TBX15: variants seen among roughly 807,000 people sequenced by gnomAD.
The protein encoded by TBX15 is T-box transcription factor TBX15.
TBX15 carries 18 observed loss-of-function variants against 53.9 expected under a neutral mutation model. That is an observed-to-expected ratio of 0.33 (90% CI 0.23 to 0.49). The LOEUF (loss-of-function observed/expected upper bound fraction) is 0.49, where lower values mean the gene tolerates loss of function less well. Ranked by LOEUF, TBX15 falls within the 20% of genes least tolerant of loss-of-function variation. The pLI is 0.98. For synonymous variants in TBX15, 295 were observed against 278.0 expected, an observed-to-expected ratio of 1.06 and a Z score of -0.61; for missense variants, 692 against 749.5, an observed-to-expected ratio of 0.92 and a Z score of 0.90.
At chr1:118,959,563 C>CTCCA (rs1424090496) in intron 1 of TBX15, among the ~76,000 whole-genome samples, 1 of 152,196 alleles carries the variant, frequency 6.6e-6, no homozygotes, top group African/African-American at 2.4e-5. Flanking sequence ...CACTGCAGCA[C>CTCCA]CTGTTTCACT....
At chr1:118,921,662 A>G (rs1211071625) in intron 5 of TBX15, among the ~76,000 whole-genome samples, 1 of 152,200 alleles carries the variant, frequency 6.6e-6, no homozygotes, top group African/African-American at 2.4e-5. Context: ...GGAGCAGGAC[A>G]CTGCTTTTCC....
chr1:118,891,353 T>C lies in TBX15; in HGVS notation c.1025-5837A>G, dbSNP rs565063095. Among the ~76,000 whole-genome samples the C allele has an allele frequency of 5.9e-5, 9 of 152,342 alleles. No homozygotes were observed. In the East Asian group the frequency reaches 1.7e-3, roughly 29 times the overall value. ...CACATTCCTTAGGTGGACTGCAGCA[T>C]TTCTTCACTTTCCATTAACTTAATT... On this transcript the variant is annotated intron_variant, in intron 7 of 7. Coordinates refer to ENST00000369429, the MANE Select transcript of TBX15 (RefSeq NM_001330677.2).
At position 118,903,492 on chromosome 1, in the gene TBX15, G is replaced by A. The variant is rs1254656230; in HGVS notation, c.927-4367C>T. The stretch of plus-strand genomic sequence containing the variant: ...CATATTTCTGCTTTTCTTTTGTCTT[G>A]AGATAGGGAGTTGCTTTTTAATGTT... On this transcript the variant is annotated intron_variant, in intron 6 of 7. Transcript: ENST00000369429. Among the ~76,000 whole-genome samples the A allele has an allele frequency of 2.6e-5, 4 of 152,108 alleles. No homozygotes were observed. The East Asian group carries it at 7.7e-4, about 29-fold the overall frequency.
chr1:118,971,308 G>C (rs890352285), intron 1 of TBX15, among the ~76,000 whole-genome samples: 2 of 152,134 alleles, frequency 1.3e-5, no homozygotes, highest in East Asian at 1.9e-4. Context: ...AGAATATAGA[G>C]AGATCAACAG....
intron 7 of TBX15, among the ~76,000 whole-genome samples, chr1:118,893,162 C>G (rs1654211699): frequency 6.6e-6 from 1 of 151,508 alleles, no homozygotes; most frequent in African/African-American, 2.4e-5. Flanking sequence ...TTGTTTGAAC[C>G]CAGGAGGCAG....
At chr1:118,904,567 A>G (rs1019403655) in intron 6 of TBX15, among the ~76,000 whole-genome samples, 5 of 152,208 alleles carry the variant, frequency 3.3e-5, no homozygotes, top group Admixed American at 1.3e-4. Flanking sequence ...CAAGTGTCCA[A>G]TGGACAGATG....
chr1:118,934,324 A>G (rs897047460), intron 1 of TBX15, among the ~76,000 whole-genome samples: 2 of 152,162 alleles, frequency 1.3e-5, no homozygotes, highest in African/African-American at 4.8e-5. Flanking sequence ...TTTGAACAAG[A>G]CAAGTTAAAT....
chr1:118,958,002 A>G (rs1181867744), intron 1 of TBX15, among the ~76,000 whole-genome samples: 1 of 152,252 alleles, frequency 6.6e-6, no homozygotes. Context: ...CAATATTTTT[A>G]AAAATTAAAA....
chr1:118,973,680 C>T (rs1292339354), intron 1 of TBX15, among the ~76,000 whole-genome samples: 1 of 152,140 alleles, frequency 6.6e-6, no homozygotes, highest in East Asian at 1.9e-4. Context: ...ATGTTAACAT[C>T]CGGAACCAAT....
intron 6 of TBX15, among the ~76,000 whole-genome samples, chr1:118,908,037 C>A (rs1266660220): frequency 6.6e-6 from 1 of 152,110 alleles, no homozygotes; most frequent in African/African-American, 2.4e-5. Flanking sequence ...ATTTTAATCA[C>A]AATTGCCATT....
At chr1:118,970,856 A>T (rs1184469559) in intron 1 of TBX15, among the ~76,000 whole-genome samples, 1 of 152,058 alleles carries the variant, frequency 6.6e-6, no homozygotes, top group Non-Finnish European at 1.5e-5. Context: ...CTAAGCTGGG[A>T]TCTCCTGTCA....
intron 6 of TBX15, among the ~76,000 whole-genome samples, chr1:118,910,408 T>TTTGTTG (rs10638324): frequency 1.3e-4 from 20 of 151,394 alleles, no homozygotes; most frequent in African/African-American, 2.4e-4. Context: ...TTACAAGATT[T>TTTGTTG]TTGTTGTTGT....
intron 1 of TBX15, among the ~76,000 whole-genome samples, chr1:118,939,846 G>A (rs1656110974): frequency 6.6e-6 from 1 of 151,862 alleles, no homozygotes; most frequent in South Asian, 2.1e-4. Flanking sequence ...GAAGTAGCAA[G>A]TACTGTATTA....
chr1:118,905,177 T>A (rs1654771277), intron 6 of TBX15, among the ~76,000 whole-genome samples: 1 of 152,230 alleles, frequency 6.6e-6, no homozygotes, highest in African/African-American at 2.4e-5. Context: ...CTGGATTAAA[T>A]GTGGAGGGAG....
intron 2 of TBX15, among the ~76,000 whole-genome samples, chr1:118,928,670 A>T (rs1242185314): frequency 6.6e-6 from 1 of 152,194 alleles, no homozygotes; most frequent in Non-Finnish European, 1.5e-5. Flanking sequence ...CCAGTCACCT[A>T]GAGAGGCTGT....
At position 118,987,895 on chromosome 1, in the gene TBX15, C is replaced by A; in HGVS notation, c.-100G>T. On this transcript the variant is annotated 5_prime_UTR_variant, in exon 1 of 8. Transcript: ENST00000369429. ...CCCACCGGGCCCGGCCCGGGAGAGG[C>A]GGAGGCGCGTCGGACGAGGCTGAGA... 6.9e-7 allele frequency: 1 copy of A among 1,447,436 alleles called. No individual in the cohort carries two copies. Among genetic ancestry groups the A allele is most frequent in the Non-Finnish European group, 9.3e-7 (1 of 1,075,898 alleles). The allele number at this position is 1,447,436 out of a possible 1,614,324, so 89.7% of individuals were successfully genotyped here. A position where few individuals can be genotyped will look rare whatever the true frequency, so the allele number is the denominator to read the frequency against.
At chr1:118,926,396 A>G in intron 3 of TBX15, 114 bp downstream of exon 3, 1 of 963,358 alleles carries the variant, frequency 1.0e-6, no homozygotes, top group Non-Finnish European at 1.6e-6. Flanking sequence ...CATAGTCTCC[A>G]TTCCTTGTTC....
At chr1:118,974,056 G>T (rs569988320) in intron 1 of TBX15, among the ~76,000 whole-genome samples, 2 of 152,312 alleles carry the variant, frequency 1.3e-5, no homozygotes, top group South Asian at 4.1e-4. Context: ...CTGGCTGGTT[G>T]CATACCTTGC....
intron 5 of TBX15, among the ~76,000 whole-genome samples, chr1:118,914,809 G>A (rs1034460730): frequency 1.3e-5 from 2 of 152,196 alleles, no homozygotes; most frequent in Non-Finnish European, 2.9e-5. Flanking sequence ...AATCTACAAT[G>A]TGAGACTGAA....
Sources: allele counts gnomAD v4.1 joint callset (sites outside exome capture counted in the v4.1 genomes callset), GRCh38; gene constraint gnomAD v4.1.1; transcripts MANE v1.5; gene names NCBI Gene and HGNC (gene_info 2026-07-23, HGNC 2026-07-21).